Variants in RBFOX1 observed in about 807,000 individuals in gnomAD.
The protein encoded by RBFOX1 is RNA binding fox-1 homolog 1, also known as RNA binding protein fox-1 homolog 1.
Under a neutral mutation model 57.7 loss-of-function variants are expected in RBFOX1, and 8 were observed. The ratio of observed to expected loss-of-function variants is 0.14; its 90% CI spans 0.08 to 0.25. The LOEUF is 0.25. Ranked by LOEUF, RBFOX1 falls within the 10% of genes least tolerant of loss-of-function variation. The pLI is 1.00. For synonymous variants in RBFOX1, 326 were observed against 222.4 expected (o/e 1.47, Z -4.15); for missense variants, 611 against 548.5 (o/e 1.11, Z -1.14).
At chr16:7,459,771 T>C (rs1458974453) in intron 4 of RBFOX1, among the ~76,000 whole-genome samples, 1 of 152,184 alleles carries the variant, frequency 6.6e-6, no homozygotes, top group African/African-American at 2.4e-5. Flanking sequence ...ATATAATAAA[T>C]GTAGTTTTGG....
At chr16:7,681,158 T>G (rs1247041925) in intron 14 of RBFOX1, among the ~76,000 whole-genome samples, 1 of 152,200 alleles carries the variant, frequency 6.6e-6, no homozygotes, top group Non-Finnish European at 1.5e-5. Context: ...TTAGTCTTAT[T>G]TTAAAATTAT....
intron 2 of RBFOX1, among the ~76,000 whole-genome samples, chr16:5,582,004 T>C (rs149449645): frequency 0.011 from 1,621 of 152,338 alleles, 9 homozygotes; most frequent in Middle Eastern, 0.041. Flanking sequence ...TAAGCAGCAG[T>C]TGTTTCGAAC....
intron 3 of RBFOX1, among the ~76,000 whole-genome samples, chr16:5,686,745 T>G (rs1001942129): frequency 6.6e-6 from 1 of 152,178 alleles, no homozygotes; most frequent in Non-Finnish European, 1.5e-5. Context: ...AATAGATGTT[T>G]AAATAACAAA....
At chr16:6,258,998 T>A (rs1360882456) in intron 1 of RBFOX1, among the ~76,000 whole-genome samples, 1 of 152,208 alleles carries the variant, frequency 6.6e-6, no homozygotes, top group Non-Finnish European at 1.5e-5. Flanking sequence ...TGATACAGAA[T>A]AACAAGATAT....
intron 1 of RBFOX1, among the ~76,000 whole-genome samples, chr16:6,302,345 A>G (rs2152744756): frequency 1.3e-5 from 2 of 151,766 alleles, no homozygotes; most frequent in Middle Eastern, 6.8e-3. Context: ...CATTTCCTTC[A>G]TTGTCTGCTT....
At chr16:6,581,830 C>T (rs1006370650) in intron 2 of RBFOX1, among the ~76,000 whole-genome samples, 2 of 152,182 alleles carry the variant, frequency 1.3e-5, no homozygotes, top group Admixed American at 1.3e-4. Context: ...GGTGTTATAT[C>T]CCTCAAAGGA....
intron 3 of RBFOX1, among the ~76,000 whole-genome samples, chr16:7,036,737 AAAAAAAAAG>A (rs368158211): frequency 2.3e-4 from 28 of 120,816 alleles, no homozygotes; most frequent in South Asian, 5.3e-4. Flanking sequence ...AAACAAAGAA[AAAAAAAAAG>A]AAAGAATTCA....
chr16:6,536,116 T>G (rs1018449263), intron 2 of RBFOX1, among the ~76,000 whole-genome samples: 2 of 152,196 alleles, frequency 1.3e-5, no homozygotes, highest in Non-Finnish European at 2.9e-5. Flanking sequence ...TAGTAAGTAT[T>G]GATACCCAGG....
chr16:5,481,051 C>G (rs1047366590), intron 2 of RBFOX1, among the ~76,000 whole-genome samples: 4 of 152,206 alleles, frequency 2.6e-5, no homozygotes, highest in African/African-American at 9.6e-5. Context: ...TTATCCCACA[C>G]AAGTCTACTA....
intron 10 of RBFOX1, among the ~76,000 whole-genome samples, chr16:7,608,785 T>A (rs1172483975): frequency 6.6e-6 from 1 of 152,214 alleles, no homozygotes; most frequent in African/African-American, 2.4e-5. Flanking sequence ...GAGTGGTGTG[T>A]AGCCAGCACC....
chr16:5,728,437 A>G (rs1055481143), intron 3 of RBFOX1, among the ~76,000 whole-genome samples: 2 of 152,176 alleles, frequency 1.3e-5, no homozygotes, highest in African/African-American at 4.8e-5. Flanking sequence ...GGATTGATGG[A>G]CAGGTTAGCT....
chr16:6,297,086 T>C (rs776112310), intron 1 of RBFOX1, among the ~76,000 whole-genome samples: 3 of 152,158 alleles, frequency 2.0e-5, no homozygotes, highest in Non-Finnish European at 4.4e-5. Context: ...GCCATGGCAT[T>C]TATAAACTGT....
chr16:6,791,519 G>T (rs1373718035), intron 3 of RBFOX1, among the ~76,000 whole-genome samples: 1 of 152,164 alleles, frequency 6.6e-6, no homozygotes, highest in Admixed American at 6.5e-5. Flanking sequence ...AGCACTTCGG[G>T]AGGCCGAGGT....
At chr16:5,438,104 G>A (rs1457674750) in intron 1 of RBFOX1, among the ~76,000 whole-genome samples, 2 of 152,204 alleles carry the variant, frequency 1.3e-5, no homozygotes, top group African/African-American at 4.8e-5. Flanking sequence ...CACATTTGTA[G>A]TTTGAACACA....
At chr16:7,130,487 G>A (rs2069990023) in intron 4 of RBFOX1, among the ~76,000 whole-genome samples, 1 of 152,086 alleles carries the variant, frequency 6.6e-6, no homozygotes. Flanking sequence ...CTCACTCATT[G>A]CAGTACTCTA....
intron 1 of RBFOX1, among the ~76,000 whole-genome samples, chr16:6,224,933 C>G (rs762290354): frequency 4.1e-5 from 6 of 147,560 alleles, no homozygotes; most frequent in Non-Finnish European, 8.9e-5. Flanking sequence ...GCAAGAGAAT[C>G]GCTTGAACCT....
At chr16:5,325,966 A>G (rs28582202) in intron 1 of RBFOX1, among the ~76,000 whole-genome samples, 41 of 152,166 alleles carry the variant, frequency 2.7e-4, no homozygotes, top group African/African-American at 7.0e-4. Flanking sequence ...GCTAGGTCCT[A>G]TTGTGCTTAC....
In RBFOX1 at chr16:7,533,540, A is replaced by T. The variant is rs150472135; in HGVS notation, c.270+15151A>T. Among the ~76,000 whole-genome samples, 275 of 152,348 alleles carry T rather than the reference A, an allele frequency of 1.8e-3. 1 individual carries two copies. The highest frequency in any genetic ancestry group is 5.8e-3 in the African/African-American group (243 of 41,578). On this transcript the variant is annotated intron_variant, in intron 5 of 15. Coordinates refer to ENST00000550418, the MANE Select transcript of RBFOX1 (RefSeq NM_018723.4). ...GCATTTAATACACTTCCCCTACTGA[A>T]CATCATCACTTAGCCTAGCACAACT...
At chr16:6,173,965 T>A (rs902784963) in intron 1 of RBFOX1, among the ~76,000 whole-genome samples, 6 of 151,990 alleles carry the variant, frequency 3.9e-5, no homozygotes, top group African/African-American at 1.5e-4. Flanking sequence ...AGTTACAGAG[T>A]CCTTCACAGT....
Sources: allele counts gnomAD v4.1 joint callset (sites outside exome capture counted in the v4.1 genomes callset), GRCh38; gene constraint gnomAD v4.1.1; transcripts MANE v1.5; gene names NCBI Gene and HGNC (gene_info 2026-07-23, HGNC 2026-07-21).